Variants in ZNF254 observed in about 807,000 individuals in gnomAD.
ZNF254 encodes CTD-2017D11.1.
Under a neutral mutation model 12.4 loss-of-function variants are expected in ZNF254, and 10 were observed. That is an observed-to-expected ratio of 0.80 (90% CI 0.50 to 1.36). The LOEUF is 1.36. Ranked by LOEUF, ZNF254 falls within the 40% of genes most tolerant of loss-of-function variation. The probability of loss-of-function intolerance (pLI) is 0.00; values close to 1 mark genes in which losing one functional copy is unlikely to be tolerated. For synonymous variants in ZNF254, 305 were observed against 253.4 expected, an observed-to-expected ratio of 1.20 and a Z score of -1.93; for missense variants, 996 against 763.9, an observed-to-expected ratio of 1.30 and a Z score of -3.58.
intron 2 of ZNF254, chr19:24,046,373 T>TATACATATATATATATATATA (rs1555750839): frequency 1.0e-5 from 1 of 95,508 alleles, no homozygotes; most frequent in Admixed American, 1.1e-4. Context: ...TTATTATTTT[T>TATACATATATATATATATATA]TATATATATA....
In ZNF254 at chr19:24,127,148, G is replaced by A. The variant is rs1424758727; in HGVS notation, c.1148G>A (p.Cys383Tyr). ...GAGAAACGCTACAAATGCTTAGAAT[G>A]TGGCAAAGCTTTTAAGCAACTCTCA... ...TGEKRYKCLE[C>Y]GKAFKQLSTL... is the part of the protein sequence containing the mutation. Residue 383 changes from cysteine (C) to tyrosine (Y), a missense_variant, in exon 4 of 4, where the codon TGT becomes TAT. Coordinates refer to ENST00000357002, the MANE Select transcript of ZNF254 (RefSeq NM_203282.4). 4.3e-6 allele frequency: 7 copies of A among 1,613,224 alleles called. No homozygotes were observed. The African/African-American group carries it at 9.4e-5, about 22-fold the overall frequency.
rs1428462561 is a variant in ZNF254 at position 24,127,940 on chromosome 19, CAGATA to C, written c.1947_1951del (p.Lys649AsnfsTer23). ...TTTAATCGGTCCTCGCACCTCACCA[CAGATA>C]AGATAACTCATTGGAGAGAAATCTT... On this transcript the variant is annotated frameshift_variant, in exon 4 of 4. Coordinates refer to ENST00000357002, the MANE Select transcript of ZNF254 (RefSeq NM_203282.4). LOFTEE classifies it high-confidence loss of function. The C allele has an allele frequency of 1.3e-6, 2 of 1,587,170 alleles. No homozygotes were observed. The highest frequency in any genetic ancestry group is 1.7e-6 in the Non-Finnish European group (2 of 1,170,352).
chr19:24,107,453 T>C (rs999613418), intron 3 of ZNF254: 1 of 373,760 alleles, frequency 2.7e-6, no homozygotes, highest in Non-Finnish European at 4.7e-6. Context: ...TTCATTGATA[T>C]TGTACATAAG....
chr19:24,095,434 G>T (rs1486914901), intron 1 of ZNF254, among the ~76,000 whole-genome samples: 1 of 151,970 alleles, frequency 6.6e-6, no homozygotes, highest in Non-Finnish European at 1.5e-5. Context: ...TTTCTTAATT[G>T]CTTAAAATAG....
upstream of ZNF254, among the ~76,000 whole-genome samples, chr19:24,086,821 A>G (rs185011904): frequency 1.4e-4 from 22 of 152,366 alleles, no homozygotes; most frequent in Admixed American, 5.2e-4. Flanking sequence ...TTTAGTGCTG[A>G]TAATACATTA....
chr19:24,118,306 C>T (rs576395532), intron 3 of ZNF254, among the ~76,000 whole-genome samples: 2 of 152,206 alleles, frequency 1.3e-5, no homozygotes, highest in South Asian at 2.1e-4. Flanking sequence ...CCCGCATCAG[C>T]CTCCCAAAGT....
intron 3 of ZNF254, among the ~76,000 whole-genome samples, chr19:24,116,571 A>T (rs1018169349): frequency 6.6e-6 from 1 of 151,676 alleles, no homozygotes; most frequent in South Asian, 2.1e-4. Context: ...ACTTCTCTAT[A>T]TTGGTTATTC....
At chr19:24,117,317 C>G (rs1371520539) in intron 3 of ZNF254, among the ~76,000 whole-genome samples, 1 of 152,180 alleles carries the variant, frequency 6.6e-6, no homozygotes, top group Non-Finnish European at 1.5e-5. Context: ...CAGAGGCAGG[C>G]AGGCCTCCTT....
chr19:24,056,302 A>T (rs2145360524), intron 2 of ZNF254, among the ~76,000 whole-genome samples: 1 of 152,194 alleles, frequency 6.6e-6, no homozygotes, highest in African/African-American at 2.4e-5. Context: ...CTCTACTGCC[A>T]AAAAGGAGCA....
chr19:24,054,792 T>C (rs17206053), intron 2 of ZNF254, among the ~76,000 whole-genome samples: 22,589 of 152,134 alleles, frequency 0.15, 1,939 homozygotes, highest in Middle Eastern at 0.23. Context: ...ACCCAACAAA[T>C]TAAGAGAGAT....
chr19:24,092,318 C>G (rs1237681384), intron 1 of ZNF254, among the ~76,000 whole-genome samples: 2 of 151,850 alleles, frequency 1.3e-5, no homozygotes, highest in East Asian at 1.9e-4. Flanking sequence ...AGGCACCCAC[C>G]ACCACCATGC....
chr19:24,062,676 TCA>T (rs1318301625), intron 2 of ZNF254, among the ~76,000 whole-genome samples: 1 of 152,206 alleles, frequency 6.6e-6, no homozygotes, highest in East Asian at 1.9e-4. Context: ...GTTCTGAATC[TCA>T]CTTTTGGAGG....
chr19:24,071,749 A>G (rs998377256), intron 2 of ZNF254, among the ~76,000 whole-genome samples: 14 of 152,238 alleles, frequency 9.2e-5, no homozygotes, highest in Non-Finnish European at 2.1e-4. Context: ...ATTGTGATGT[A>G]TTGCTGGGCC....
At chr19:24,036,122 C>T (rs570801235) in intron 1 of ZNF254, among the ~76,000 whole-genome samples, 25 of 152,178 alleles carry the variant, frequency 1.6e-4, no homozygotes, top group African/African-American at 5.1e-4. Context: ...AGTGCAGTGG[C>T]GCGATCTTGG....
chr19:24,033,789 C>G (rs1424582526), intron 1 of ZNF254, among the ~76,000 whole-genome samples: 2 of 152,196 alleles, frequency 1.3e-5, no homozygotes, highest in Non-Finnish European at 2.9e-5. Flanking sequence ...CCGGGATCCC[C>G]GCGTTCAGCC....
chr19:24,059,652 A>G (rs576049616), intron 2 of ZNF254, among the ~76,000 whole-genome samples: 1 of 150,500 alleles, frequency 6.6e-6, no homozygotes, highest in Non-Finnish European at 1.5e-5. Context: ...TGGGGCCACA[A>G]CCTAGGTGAT....
rs766120028 is a variant in ZNF254, at chr19:24,127,261, C to A, written c.1261C>A (p.Leu421Ile). The stretch of plus-strand genomic sequence containing the variant: ...CAAAGGTTTTAATCGATCTTCAAAT[C>A]TTACTACACATAAGATAATTCATAC... ...CGKGFNRSSN[L>I]TTHKIIHTGE... The change falls in exon 4 of 4, where the codon CTT becomes ATT. Residue 421 changes from leucine (L) to isoleucine (I), a missense_variant. Coordinates refer to ENST00000357002, the MANE Select transcript of ZNF254 (RefSeq NM_203282.4). 11 of 1,613,344 alleles carry A rather than the reference C, an allele frequency of 6.8e-6. No individual in the cohort carries two copies. The Admixed American group carries it at 1.5e-4, about 22-fold the overall frequency.
rs142780494 is a variant in ZNF254 at position 24,126,560 on chromosome 19, G to C, written c.560G>C (p.Arg187Pro). ...TEKKSFKCKK[R>P]VKLFCMLSHK... is the part of the protein sequence containing the mutation. The stretch of plus-strand genomic sequence containing the variant: ...AAGAAATCTTTCAAATGTAAAAAAC[G>C]TGTCAAATTATTTTGCATGCTTTCA... Residue 187 changes from arginine to proline, a missense_variant, in exon 4 of 4, where the codon CGT (arginine) becomes CCT (proline). Coordinates refer to ENST00000357002, the MANE Select transcript of ZNF254 (RefSeq NM_203282.4). The C allele has an allele frequency of 1.4e-5, 23 of 1,604,200 alleles. No homozygotes were observed. Among genetic ancestry groups the C allele is most frequent in the East Asian group, 6.7e-5 (3 of 44,772 alleles).
At chr19:24,033,835 C>CAGCT (rs1568417956) in intron 1 of ZNF254, among the ~76,000 whole-genome samples, 1 of 152,248 alleles carries the variant, frequency 6.6e-6, no homozygotes. Flanking sequence ...GCTCCCTGGG[C>CAGCT]AGCTCTGCAT....
Sources: gnomAD v4.1 joint callset for allele counts (sites outside exome capture counted in the v4.1 genomes callset) on GRCh38, gnomAD v4.1.1 for gene constraint, MANE v1.5 for transcripts, NCBI Gene and HGNC (gene_info 2026-07-23, HGNC 2026-07-21) for gene names.